HIVEP1: variants seen among roughly 807,000 people sequenced by gnomAD.
The protein encoded by HIVEP1 is HIVEP zinc finger 1.
Under a neutral mutation model 180.0 loss-of-function variants are expected in HIVEP1, and 36 were observed. The ratio of observed to expected loss-of-function variants is 0.20; its 90% confidence interval spans 0.15 to 0.26. The LOEUF (loss-of-function observed/expected upper bound fraction) is 0.26, where lower values mean the gene tolerates loss of function less well. Ranked by LOEUF, HIVEP1 falls within the 10% of genes least tolerant of loss-of-function variation. HIVEP1 has a pLI of 1.00. For synonymous variants in HIVEP1, 1,239 were observed against 1,239.0 expected, an observed-to-expected ratio of 1.00 and a Z score of 0.00; for missense variants, 3,143 against 3,268.7, an observed-to-expected ratio of 0.96 and a Z score of 0.94.
rs778548417 is a variant in HIVEP1, at chr6:12,125,003, T to A, written c.5208T>A (p.Pro1736=). ...AAATATCTGTTGGTCGACTTTCCCC[T>A]CAACAAGAATCTTCAGCTTCGAGTA... ...TQKISVGRLS[P]QQESSASSKR... is the part of the protein sequence containing the mutation. Residue 1736 remains proline, a synonymous_variant, in exon 4 of 9, where the codon CCT becomes CCA. Coordinates refer to ENST00000379388, the MANE Select transcript of HIVEP1 (RefSeq NM_002114.4). 8.7e-6 allele frequency: 14 copies of A among 1,614,190 alleles called. No individual in the cohort carries two copies. The highest frequency in any genetic ancestry group is 1.2e-5 in the Non-Finnish European group (14 of 1,180,032).
At chr6:12,037,764 A>C (rs1274758537) in intron 2 of HIVEP1, 2 of 449,434 alleles carry the variant, frequency 4.5e-6, no homozygotes, top group African/African-American at 4.1e-5. Flanking sequence ...GCAGTGGTGT[A>C]GTTGTAGCTC....
intron 2 of HIVEP1, among the ~76,000 whole-genome samples, chr6:12,083,918 T>C (rs1018975006): frequency 2.2e-4 from 34 of 152,168 alleles, no homozygotes; most frequent in African/African-American, 8.0e-4. Flanking sequence ...GCTGTGTTCA[T>C]GTGTGGTGTT....
At chr6:12,034,200 T>C (rs1338385644) in intron 2 of HIVEP1, among the ~76,000 whole-genome samples, 1 of 152,248 alleles carries the variant, frequency 6.6e-6, no homozygotes, top group African/African-American at 2.4e-5. Flanking sequence ...AAGTTATGTA[T>C]GTATGCATTT....
At chr6:12,030,988 T>C (rs920747916) in intron 2 of HIVEP1, among the ~76,000 whole-genome samples, 2 of 152,246 alleles carry the variant, frequency 1.3e-5, no homozygotes. Context: ...TCTCATGTTG[T>C]GTGGCTGCTG....
chr6:12,155,760 T>C (rs978571668), intron 7 of HIVEP1, among the ~76,000 whole-genome samples: 1 of 152,196 alleles, frequency 6.6e-6, no homozygotes, highest in South Asian at 2.1e-4. Context: ...TTTGGGTATA[T>C]ACCCAGTAAT....
the HIVEP1 span, among the ~76,000 whole-genome samples, chr6:12,173,836 C>G: frequency 6.6e-6 from 1 of 152,248 alleles, no homozygotes; most frequent in Non-Finnish European, 1.5e-5. Context: ...TGAAAGACAT[C>G]AGGGCTTTAC....
At position 12,017,924 on chromosome 6, in the gene HIVEP1, C is replaced by T. The variant is rs562635972; in HGVS notation, c.40+2256C>T. ...GAGCTGCCTGCGCCTTGTGCCTGCACTACTCAGCCCTTGGGTGGTCGATGG... is the reference window on the plus strand; with the variant it reads ...GAGCTGCCTGCGCCTTGTGCCTGCATTACTCAGCCCTTGGGTGGTCGATGG... On this transcript the variant is annotated intron_variant, in intron 2 of 8. Transcript: ENST00000379388. Among the ~76,000 whole-genome samples the T allele has an allele frequency of 2.0e-5, 3 of 152,356 alleles. No homozygotes were observed. In the South Asian group the frequency reaches 6.2e-4, roughly 32 times the overall value.
At chr6:12,028,741 C>T (rs887648334) in intron 2 of HIVEP1, among the ~76,000 whole-genome samples, 8 of 152,152 alleles carry the variant, frequency 5.3e-5, no homozygotes. Context: ...AAAATTCACC[C>T]GTTTTAAGTG....
chr6:12,074,533 A>G (rs1247402357), intron 2 of HIVEP1, among the ~76,000 whole-genome samples: 2 of 152,034 alleles, frequency 1.3e-5, no homozygotes, highest in African/African-American at 4.8e-5. Context: ...AAGAATAATG[A>G]TAGTGTAGTG....
At chr6:12,023,004 C>T (rs1413499910) in intron 2 of HIVEP1, among the ~76,000 whole-genome samples, 1 of 152,168 alleles carries the variant, frequency 6.6e-6, no homozygotes, top group East Asian at 1.9e-4. Flanking sequence ...ACTTAGTTCT[C>T]AAGAAACAGA....
chr6:12,079,807 A>T (rs187179413), intron 2 of HIVEP1, among the ~76,000 whole-genome samples: 272 of 152,320 alleles, frequency 1.8e-3, no homozygotes, highest in Non-Finnish European at 3.1e-3. Flanking sequence ...AGAAATTAAT[A>T]CAACAAATTT....
chr6:12,047,756 C>T (rs1413308208), intron 2 of HIVEP1, among the ~76,000 whole-genome samples: 1 of 152,162 alleles, frequency 6.6e-6, no homozygotes, highest in Non-Finnish European at 1.5e-5. Flanking sequence ...TCTAAGGGCA[C>T]CTTTTTCCTG....
Position 12,099,316 on chromosome 6 carries a change from C to T in HIVEP1, c.94+10079C>T, listed in dbSNP as rs985621572. ...CCAAGTAGCTAGGACTACAGGCGCC[C>T]GCCACTACGCCCGGCTATTTTTTGT... On this transcript the variant is annotated intron_variant, in intron 3 of 8. Coordinates refer to ENST00000379388, the MANE Select transcript of HIVEP1 (RefSeq NM_002114.4). Among the ~76,000 whole-genome samples, 6 of 152,020 alleles carry T rather than the reference C, an allele frequency of 3.9e-5. No homozygotes were observed. In the East Asian group the frequency reaches 7.8e-4, roughly 20 times the overall value.
chr6:12,094,735 A>G (rs1359700056), intron 3 of HIVEP1, among the ~76,000 whole-genome samples: 2 of 152,068 alleles, frequency 1.3e-5, no homozygotes, highest in Admixed American at 1.3e-4. Flanking sequence ...GCATTGGTTT[A>G]TATTTTTATT....
At chr6:12,107,791 G>C (rs556878181) in intron 3 of HIVEP1, among the ~76,000 whole-genome samples, 2 of 152,276 alleles carry the variant, frequency 1.3e-5, no homozygotes, top group East Asian at 1.9e-4. Flanking sequence ...CTGCTGGCTC[G>C]GGCAGCCTGC....
the HIVEP1 span, among the ~76,000 whole-genome samples, chr6:12,186,385 T>C: frequency 9.2e-3 from 1,395 of 151,884 alleles, 23 homozygotes; most frequent in African/African-American, 0.032. Flanking sequence ...GACAAACTTA[T>C]GAAGTCAGAA....
chr6:12,146,165 G>A lies in HIVEP1; in HGVS notation c.6487+10273G>A, dbSNP rs544510309. Among the ~76,000 whole-genome samples, 12 of 152,236 alleles carry A rather than the reference G, an allele frequency of 7.9e-5. No homozygotes were observed. In the South Asian group the frequency reaches 1.5e-3, roughly 18 times the overall value. On this transcript the variant is annotated intron_variant, in intron 7 of 8. Coordinates refer to ENST00000379388, the MANE Select transcript of HIVEP1 (RefSeq NM_002114.4). The stretch of plus-strand genomic sequence containing the variant: ...ATTTTCGAATTAGATATAGTCGGCC[G>A]GGTGCAGTGGCTCACACCTGTAATC...
intron 2 of HIVEP1, among the ~76,000 whole-genome samples, chr6:12,030,235 C>T (rs994096163): frequency 2.0e-5 from 3 of 152,004 alleles, no homozygotes; most frequent in African/African-American, 7.2e-5. Context: ...TCATCTTTCT[C>T]CAATTTGAAT....
chr6:12,125,260 A>T lies in HIVEP1; in HGVS notation c.5465A>T (p.Glu1822Val), dbSNP rs1757986685. Residue 1822 changes from glutamate to valine, a missense_variant, in exon 4 of 9, where the codon GAA becomes GTA. Around this residue, in one of 12 missense-constraint regions of HIVEP1, gnomAD observed 1,357 missense variants for 1,260.5 expected, o/e 1.08. Coordinates refer to ENST00000379388, the MANE Select transcript of HIVEP1 (RefSeq NM_002114.4). The stretch of plus-strand genomic sequence containing the variant: ...GAAAAGGATGTTTTTTCTCAACCTG[A>T]AATTAGTAATGAGGCTGTTAATTTG... ...MLEKDVFSQP[E>V]ISNEAVNLTN... The T allele has an allele frequency of 6.2e-7, 1 of 1,614,012 alleles. No individual in the cohort carries two copies. The highest frequency in any genetic ancestry group is 1.3e-5 in the African/African-American group (1 of 74,912).
Sources: allele counts gnomAD v4.1 joint callset (sites outside exome capture counted in the v4.1 genomes callset), GRCh38; gene constraint gnomAD v4.1.1; regional missense constraint gnomAD v4.1.1; transcripts MANE v1.5; gene names NCBI Gene and HGNC (gene_info 2026-07-23, HGNC 2026-07-21).